Variants in TSEN15 observed in about 807,000 individuals in gnomAD.
The protein encoded by TSEN15 is tRNA-splicing endonuclease subunit Sen15.
In TSEN15, 10 loss-of-function variants were observed where a neutral mutation model predicts 20.5. The ratio of observed to expected loss-of-function variants is 0.49; its 90% CI spans 0.30 to 0.83. TSEN15 has a LOEUF of 0.83. Among genes scored for constraint, TSEN15 ranks in the 40% least tolerant of loss-of-function variants. The probability of loss-of-function intolerance (pLI) is 0.06; values close to 1 mark genes in which losing one functional copy is unlikely to be tolerated. For missense variants in TSEN15, 180 were observed against 218.6 expected (o/e 0.82, Z 1.11); for synonymous variants, 72 against 80.1 (o/e 0.90, Z 0.54).
chr1:184,052,962 T>A (rs1258877003), intron 1 of TSEN15, among the ~76,000 whole-genome samples: 1 of 152,184 alleles, frequency 6.6e-6, no homozygotes, highest in East Asian at 1.9e-4. Flanking sequence ...ATATTAATAG[T>A]CCATACTTAC....
At chr1:184,060,891 A>T (rs1183283448) in intron 3 of TSEN15, among the ~76,000 whole-genome samples, 1 of 152,238 alleles carries the variant, frequency 6.6e-6, no homozygotes, top group Non-Finnish European at 1.5e-5. Flanking sequence ...GTATAAATTA[A>T]TGAGTTATAA....
chr1:184,057,202 A>T (rs1195952945), intron 3 of TSEN15, among the ~76,000 whole-genome samples: 1 of 152,162 alleles, frequency 6.6e-6, no homozygotes, highest in Non-Finnish European at 1.5e-5. Flanking sequence ...TAGAAAAGAG[A>T]TGACAATTAT....
At chr1:184,087,844 A>G (rs903746780) in intron 3 of TSEN15, among the ~76,000 whole-genome samples, 1 of 152,186 alleles carries the variant, frequency 6.6e-6, no homozygotes, top group East Asian at 1.9e-4. Context: ...GAGTTAAAAC[A>G]TGGTTCACTT....
At chr1:184,054,143 T>C (rs1650155102) in intron 1 of TSEN15, among the ~76,000 whole-genome samples, 1 of 152,254 alleles carries the variant, frequency 6.6e-6, no homozygotes, top group Non-Finnish European at 1.5e-5. Flanking sequence ...TACAGTCATA[T>C]ATTGTTATTT....
At chr1:184,055,335 A>C (rs1230972837) in intron 3 of TSEN15, among the ~76,000 whole-genome samples, 1 of 152,194 alleles carries the variant, frequency 6.6e-6, no homozygotes, top group Non-Finnish European at 1.5e-5. Flanking sequence ...ATTTACCCCT[A>C]TAACCCAAAC....
downstream of TSEN15, among the ~76,000 whole-genome samples, chr1:184,075,337 T>C (rs1385060830): frequency 6.6e-6 from 1 of 152,152 alleles, no homozygotes; most frequent in South Asian, 2.1e-4. Context: ...CACCCAGCTG[T>C]GTATGTCTCA....
In TSEN15 at chr1:184,057,403, G is replaced by A. The variant is rs1650286995; in HGVS notation, c.353+2540G>A. Among the ~76,000 whole-genome samples the A allele has an allele frequency of 2.0e-5, 3 of 152,138 alleles. No homozygotes were observed. In the South Asian group the frequency reaches 6.2e-4, roughly 31 times the overall value. Reference sequence around the variant, plus strand: ...AAAGAGCAGAGCCTCTTAAATTCCAGCATGAATACCGTTGATGAATACTTA... The same window carrying A: ...AAAGAGCAGAGCCTCTTAAATTCCAACATGAATACCGTTGATGAATACTTA... On this transcript the variant is annotated intron_variant, in intron 3 of 4. Coordinates refer to ENST00000645668, the MANE Select transcript of TSEN15 (RefSeq NM_052965.4).
intron 3 of TSEN15, among the ~76,000 whole-genome samples, chr1:184,064,910 GT>G (rs889238875): frequency 6.6e-6 from 1 of 152,024 alleles, no homozygotes; most frequent in African/African-American, 2.4e-5. Context: ...GCCTTATCTG[GT>G]TCTAAGGTTT....
At chr1:184,053,911 T>A (rs1406252522) in intron 1 of TSEN15, among the ~76,000 whole-genome samples, 1 of 152,206 alleles carries the variant, frequency 6.6e-6, no homozygotes, top group Non-Finnish European at 1.5e-5. Flanking sequence ...GGCAGATAGG[T>A]TTCTTTACAG....
intron 3 of TSEN15, among the ~76,000 whole-genome samples, chr1:184,083,948 A>G (rs1651215830): frequency 6.6e-6 from 1 of 152,122 alleles, no homozygotes; most frequent in Admixed American, 6.6e-5. Flanking sequence ...ACAACAACAT[A>G]TTCCTCCCAT....
At chr1:184,083,212 G>C (rs1651200759) in intron 3 of TSEN15, among the ~76,000 whole-genome samples, 1 of 152,082 alleles carries the variant, frequency 6.6e-6, no homozygotes, top group Non-Finnish European at 1.5e-5. Flanking sequence ...GCAAGGACCA[G>C]CTGCTTTTCT....
intron 3 of TSEN15, among the ~76,000 whole-genome samples, chr1:184,067,938 A>AT: frequency 6.9e-5 from 8 of 115,586 alleles, no homozygotes; most frequent in African/African-American, 2.6e-4. Context: ...AAAAAAAAAA[A>AT]AAAATATATA....
At chr1:184,076,177 C>T (rs1209733765), downstream of TSEN15, among the ~76,000 whole-genome samples, 4 of 151,948 alleles carry the variant, frequency 2.6e-5, no homozygotes, top group African/African-American at 9.7e-5. Context: ...GCAACCCTGC[C>T]TCAAGCAAGA....
chr1:184,064,065 G>A (rs891973095), intron 3 of TSEN15, among the ~76,000 whole-genome samples: 1 of 151,978 alleles, frequency 6.6e-6, no homozygotes, highest in Non-Finnish European at 1.5e-5. Flanking sequence ...CTCATCGGGT[G>A]CAAAATATTA....
exon 4 of TSEN15, chr1:184,095,714 G>A (rs1651438447): frequency 2.5e-6 from 1 of 398,120 alleles, no homozygotes; most frequent in East Asian, 3.6e-5. Flanking sequence ...AAGCCCATAT[G>A]AGGACACAGC....
At chr1:184,079,458 A>C (rs917014978) in intron 3 of TSEN15, among the ~76,000 whole-genome samples, 2 of 152,106 alleles carry the variant, frequency 1.3e-5, no homozygotes, top group African/African-American at 4.8e-5. Context: ...GGGAGTTCCA[A>C]ATTAAGGTGC....
chr1:184,087,568 G>A (rs554386780), intron 3 of TSEN15, among the ~76,000 whole-genome samples: 13 of 151,708 alleles, frequency 8.6e-5, no homozygotes, highest in Admixed American at 3.3e-4. Context: ...TGTGTAGAAC[G>A]TGGAGGGTTG....
downstream of TSEN15, among the ~76,000 whole-genome samples, chr1:184,077,687 T>G (rs185930190): frequency 1.4e-4 from 21 of 152,242 alleles, no homozygotes; most frequent in East Asian, 4.1e-3. Context: ...GTTTGAAGGA[T>G]GTTGATTCCA....
intron 3 of TSEN15, chr1:184,094,119 C>T (rs1651407516): frequency 1.3e-5 from 2 of 152,098 alleles, no homozygotes; most frequent in Admixed American, 1.3e-4. Flanking sequence ...CCCTCCGAAT[C>T]TTATTAGCTA....
Sources: allele counts gnomAD v4.1 joint callset (sites outside exome capture counted in the v4.1 genomes callset), GRCh38; gene constraint gnomAD v4.1.1; transcripts MANE v1.5; gene names NCBI Gene and HGNC (gene_info 2026-07-23, HGNC 2026-07-21).